The following GNA14 variants were observed in gnomAD, a reference collection of about 807,000 sequenced individuals.
GNA14 encodes G protein subunit alpha 14.
In GNA14, 50 loss-of-function variants were observed where a neutral mutation model predicts 42.0. The observed-to-expected ratio is 1.19, with a 90% CI of 0.95 to 1.51. The LOEUF (loss-of-function observed/expected upper bound fraction) is 1.51. GNA14 is among the 40% of genes most tolerant of loss of function. The pLI is 0.00. For synonymous variants in GNA14, 173 were observed against 163.1 expected (o/e 1.06, Z -0.46); for missense variants, 473 against 446.2 (o/e 1.06, Z -0.54).
intron 2 of GNA14, among the ~76,000 whole-genome samples, chr9:77,466,862 C>T (rs1044106314): frequency 6.6e-6 from 1 of 152,108 alleles, no homozygotes; most frequent in African/African-American, 2.4e-5. Context: ...CCACATGGAG[C>T]CTCTGAAGTC....
At position 77,451,964 on chromosome 9, in the gene GNA14, G is replaced by A. The variant is rs186833394; in HGVS notation, c.310-17442C>T. Among the ~76,000 whole-genome samples the A allele has an allele frequency of 1.8e-4, 27 of 152,274 alleles. No individual in the cohort carries two copies. In the East Asian group the frequency reaches 3.3e-3, roughly 18 times the overall value. ...TTGTGCAAAAATTAGATGTGGTCTC[G>A]TGAAGTCCCCACAGCCCAGGAACAT... On this transcript the variant is annotated intron_variant, in intron 2 of 6. Transcript: ENST00000341700.
Position 77,631,294 on chromosome 9 carries a change from C to G in GNA14, c.124+16376G>C, listed in dbSNP as rs551039269. ...TCAGGTCATCACTCAGAAATTGCTA[C>G]ATCACTTCAGTTTACATCCCATCAT... On this transcript the variant is annotated intron_variant, in intron 1 of 6. Coordinates refer to ENST00000341700, the MANE Select transcript of GNA14 (RefSeq NM_004297.4). Among the ~76,000 whole-genome samples, 12 of 152,180 alleles carry G rather than the reference C, an allele frequency of 7.9e-5. No homozygotes were observed. The South Asian group carries it at 1.9e-3, about 24-fold the overall frequency.
rs1046466812 is a variant in GNA14, at chr9:77,632,697, G to A, written c.124+14973C>T. ...GCCAGCAGTGGAAGCTGCTTGTGGCGTGCCTGGTCTGGCCGCAGCCTCACA... is the reference window on the plus strand; with the variant it reads ...GCCAGCAGTGGAAGCTGCTTGTGGCATGCCTGGTCTGGCCGCAGCCTCACA... On this transcript the variant is annotated intron_variant, in intron 1 of 6. Transcript: ENST00000341700. Among the ~76,000 whole-genome samples, 8 of 152,170 alleles carry A rather than the reference G, an allele frequency of 5.3e-5. 1 individual carries two copies. Among genetic ancestry groups the A allele is most frequent in the Admixed American group, 2.6e-4 (4 of 15,280 alleles).
chr9:77,645,403 G>T (rs1231078718), intron 1 of GNA14, among the ~76,000 whole-genome samples: 1 of 152,216 alleles, frequency 6.6e-6, no homozygotes, highest in Non-Finnish European at 1.5e-5. Flanking sequence ...CTATGCCCCA[G>T]GACTTTACAG....
chr9:77,449,039 T>A (rs746325968), intron 2 of GNA14, among the ~76,000 whole-genome samples: 1 of 152,212 alleles, frequency 6.6e-6, no homozygotes, highest in African/African-American at 2.4e-5. Flanking sequence ...AATGGTATGA[T>A]AGGATGTAAG....
chr9:77,569,659 C>T (rs944951808), intron 1 of GNA14, among the ~76,000 whole-genome samples: 4 of 152,146 alleles, frequency 2.6e-5, no homozygotes, highest in African/African-American at 9.7e-5. Flanking sequence ...GCTTTGGTTT[C>T]TCCCCCGGGT....
At chr9:77,462,656 G>A (rs1268751490) in intron 2 of GNA14, among the ~76,000 whole-genome samples, 3 of 146,544 alleles carry the variant, frequency 2.0e-5, no homozygotes, top group African/African-American at 5.1e-5. Context: ...GGGAGGTGGA[G>A]GTTGCAGTGA....
chr9:77,461,983 G>A (rs1836115530), intron 2 of GNA14, among the ~76,000 whole-genome samples: 2 of 151,948 alleles, frequency 1.3e-5, no homozygotes, highest in Non-Finnish European at 1.5e-5. Flanking sequence ...TTGAGAAACC[G>A]CTATTAGGGG....
At chr9:77,472,156 A>G (rs1024612876) in intron 2 of GNA14, among the ~76,000 whole-genome samples, 12 of 152,204 alleles carry the variant, frequency 7.9e-5, no homozygotes, top group Non-Finnish European at 8.8e-5. Context: ...ATTTAGAGAT[A>G]AAATACCCTT....
At chr9:77,621,720 C>A (rs1480267883) in intron 1 of GNA14, among the ~76,000 whole-genome samples, 1 of 152,122 alleles carries the variant, frequency 6.6e-6, no homozygotes, top group African/African-American at 2.4e-5. Flanking sequence ...ACCTGTAGAC[C>A]ATCTACAATT....
chr9:77,613,537 G>A (rs1823763819), intron 1 of GNA14, among the ~76,000 whole-genome samples: 1 of 152,218 alleles, frequency 6.6e-6, no homozygotes, highest in South Asian at 2.1e-4. Context: ...GATCTTAAGT[G>A]TGTTATCTCT....
intron 2 of GNA14, among the ~76,000 whole-genome samples, chr9:77,485,902 A>T (rs1836652049): frequency 6.6e-6 from 1 of 152,178 alleles, no homozygotes; most frequent in Non-Finnish European, 1.5e-5. Context: ...TTTATAGAGC[A>T]CAGGTAGAGT....
rs564612301 is a variant in GNA14, at chr9:77,514,672, G to A, written c.309+14397C>T. 3.3e-3 allele frequency among the ~76,000 whole-genome samples: 488 copies of A among 149,294 alleles called. 3 individuals carry two copies. Among genetic ancestry groups the A allele is most frequent in the African/African-American group, 0.012 (478 of 40,372 alleles). On this transcript the variant is annotated intron_variant, in intron 2 of 6. Coordinates refer to ENST00000341700, the MANE Select transcript of GNA14 (RefSeq NM_004297.4). The stretch of plus-strand genomic sequence containing the variant: ...TCTGTCCCCCAGGCTAGAGTGCAGT[G>A]GTGCGATCTCGGCTCACTGCAAGCT...
At chr9:77,595,544 G>A (rs1187544768) in intron 1 of GNA14, among the ~76,000 whole-genome samples, 1 of 152,122 alleles carries the variant, frequency 6.6e-6, no homozygotes, top group East Asian at 1.9e-4. Context: ...GCACCAGTGG[G>A]TTTTGGCCTC....
chr9:77,615,973 A>G (rs1823808369), intron 1 of GNA14, among the ~76,000 whole-genome samples: 1 of 152,036 alleles, frequency 6.6e-6, no homozygotes, highest in Admixed American at 6.6e-5. Flanking sequence ...GAAATACTTC[A>G]TATCTTGGTC....
chr9:77,493,022 A>AT (rs1183078215), intron 2 of GNA14, among the ~76,000 whole-genome samples: 20 of 74,954 alleles, frequency 2.7e-4, no homozygotes, highest in Non-Finnish European at 4.9e-4. Context: ...AAAAAAAAAA[A>AT]AAAAATATAT....
chr9:77,516,863 C>T (rs1339581541), intron 2 of GNA14, among the ~76,000 whole-genome samples: 1 of 152,196 alleles, frequency 6.6e-6, no homozygotes, highest in Non-Finnish European at 1.5e-5. Flanking sequence ...CAAAACATCT[C>T]TTACAACAAT....
chr9:77,573,286 T>C (rs1196017232), intron 1 of GNA14, among the ~76,000 whole-genome samples: 8 of 151,746 alleles, frequency 5.3e-5, no homozygotes, highest in Non-Finnish European at 7.4e-5. Context: ...CTGTCTCTAC[T>C]AAAAATACAA....
In GNA14 at chr9:77,571,754, T is replaced by G. The variant is rs535384002; in HGVS notation, c.125-42501A>C. On this transcript the variant is annotated intron_variant, in intron 1 of 6. Coordinates refer to ENST00000341700, the MANE Select transcript of GNA14 (RefSeq NM_004297.4). ...TGGGCAACAAGAGCAAACCTCTGCCTTCAAAAAAAAAAAAAAAGGTTAAGT... is the reference window on the plus strand; with the variant it reads ...TGGGCAACAAGAGCAAACCTCTGCCGTCAAAAAAAAAAAAAAAGGTTAAGT... 6.6e-3 allele frequency among the ~76,000 whole-genome samples: 670 copies of G among 100,810 alleles called. 6 individuals are homozygous for G. The highest frequency in any genetic ancestry group is 0.017 in the African/African-American group (637 of 36,482). The allele number at this position is 100,810 out of a possible 152,430, so 66.1% of individuals were successfully genotyped here.
Sources: allele counts gnomAD v4.1 joint callset (sites outside exome capture counted in the v4.1 genomes callset), GRCh38; gene constraint gnomAD v4.1.1; transcripts MANE v1.5; gene names NCBI Gene and HGNC (gene_info 2026-07-23, HGNC 2026-07-21).